The following RXRA variants were observed in gnomAD, a reference collection of about 807,000 sequenced individuals.
RXRA encodes the protein retinoid X receptor alpha.
In RXRA, 5 loss-of-function variants were observed where a neutral mutation model predicts 44.5. The observed-to-expected ratio is 0.11, with a 90% CI of 0.06 to 0.24. The LOEUF is 0.24. RXRA is among the 10% of genes least tolerant of loss of function. The pLI is 1.00. For missense variants in RXRA, 412 were observed against 646.5 expected, an observed-to-expected ratio of 0.64 and a Z score of 3.93; for synonymous variants, 291 against 271.4, an observed-to-expected ratio of 1.07 and a Z score of -0.71.
At chr9:134,359,040 G>A (rs1295543227) in intron 1 of RXRA, among the ~76,000 whole-genome samples, 1 of 152,194 alleles carries the variant, frequency 6.6e-6, no homozygotes, top group East Asian at 1.9e-4. Context: ...AGCTGCTGGG[G>A]GCTGCCGTGT....
chr9:134,332,515 T>G, intron 1 of RXRA, among the ~76,000 whole-genome samples: 1 of 144,014 alleles, frequency 6.9e-6, no homozygotes, highest in African/African-American at 2.7e-5. Flanking sequence ...TCCTGCTGCC[T>G]GTGGAGGAGG....
intron 4 of RXRA, among the ~76,000 whole-genome samples, chr9:134,411,780 G>A (rs1831152657): frequency 6.6e-6 from 1 of 152,220 alleles, no homozygotes; most frequent in African/African-American, 2.4e-5. Context: ...CGGTGAGGAG[G>A]CAGTGAGGCC....
intron 1 of RXRA, 51 bp from the exon 2 acceptor site, chr9:134,401,581 G>T: frequency 6.2e-7 from 1 of 1,608,766 alleles, no homozygotes; most frequent in Non-Finnish European, 8.5e-7. Flanking sequence ...CATTTGGTGG[G>T]GCCTGGAGTC....
At chr9:134,378,241 T>C (rs917760388) in intron 1 of RXRA, among the ~76,000 whole-genome samples, 3 of 151,794 alleles carry the variant, frequency 2.0e-5, no homozygotes, top group African/African-American at 7.2e-5. Context: ...GGCTGGATGC[T>C]GTCATCCTAG....
chr9:134,340,559 G>T (rs1353985189), intron 1 of RXRA, among the ~76,000 whole-genome samples: 8 of 152,170 alleles, frequency 5.3e-5, no homozygotes, highest in Admixed American at 4.6e-4. Flanking sequence ...CTACAGCGTG[G>T]CAGGTATCAC....
intron 1 of RXRA, chr9:134,379,540 G>A (rs578237994): frequency 2.0e-6 from 2 of 985,904 alleles, no homozygotes; most frequent in African/African-American, 3.5e-5. Context: ...CGTGGCCCAG[G>A]GTCTTGGTGG....
intron 1 of RXRA, among the ~76,000 whole-genome samples, chr9:134,329,359 C>G (rs1306087979): frequency 2.0e-5 from 3 of 152,240 alleles, no homozygotes; most frequent in African/African-American, 7.2e-5. Flanking sequence ...TTAGCGCGGG[C>G]GCTGCCCGAC....
intron 1 of RXRA, chr9:134,380,081 C>T (rs1326800250): frequency 1.0e-6 from 1 of 985,484 alleles, no homozygotes; most frequent in Non-Finnish European, 1.2e-6. Context: ...TGCAGCCCCT[C>T]TGTTGTCGTG....
At chr9:134,402,061 G>C (rs1007904066) in intron 2 of RXRA, 179 bp downstream of exon 2, 2 of 604,354 alleles carry the variant, frequency 3.3e-6, no homozygotes, top group Non-Finnish European at 5.7e-6. Context: ...GAGCCCAGGT[G>C]GGGCTGACTG....
chr9:134,379,218 G>A, intron 1 of RXRA: 1 of 965,732 alleles, frequency 1.0e-6, no homozygotes, highest in Non-Finnish European at 1.2e-6. Context: ...TGCTTAACTG[G>A]GCCTTTCCTG....
chr9:134,412,383 A>G (rs750603153), intron 4 of RXRA, among the ~76,000 whole-genome samples: 11 of 152,186 alleles, frequency 7.2e-5, no homozygotes, highest in Non-Finnish European at 1.3e-4. Context: ...ATCCCAGTGC[A>G]GTGCTGCGAG....
rs1831687959 is a variant in RXRA, at chr9:134,439,296, G to C, written c.*2682G>C. 6.6e-6 allele frequency: 1 copy of C among 152,200 alleles called. No homozygotes were observed. The allele number at this position is 152,200 out of a possible 1,614,324, so 9.4% of individuals were successfully genotyped here. On this transcript the variant is annotated 3_prime_UTR_variant, in exon 10 of 10. Transcript: ENST00000481739. The stretch of plus-strand genomic sequence containing the variant: ...AGTGGCTGCTTCCTGGGGACCCAGG[G>C]CACCCCGGCACCTTCAGGCACGCTC...
rs1588252952 is a variant in RXRA at position 134,342,947 on chromosome 9, T to C, written c.28+16288T>C. On this transcript the variant is annotated intron_variant, in intron 1 of 9. Coordinates refer to ENST00000481739, the MANE Select transcript of RXRA (RefSeq NM_002957.6). The surrounding 1 kb of genome is among the most constrained non-coding windows in gnomAD (Gnocchi z 4.4). ...CGTGTGGGTGCTGGGGATTGTCTGG[T>C]AATCCTTTGATTAGAGGCCAGGAAA... 6.6e-6 allele frequency among the ~76,000 whole-genome samples: 1 copy of C among 152,142 alleles called. No homozygotes were observed.
chr9:134,344,614 C>T (rs1339897923), intron 1 of RXRA, among the ~76,000 whole-genome samples: 2 of 152,150 alleles, frequency 1.3e-5, no homozygotes, highest in African/African-American at 2.4e-5. Flanking sequence ...CTCCCCACCT[C>T]CCGGGCCTCT....
At chr9:134,424,836 C>A in intron 6 of RXRA, 6 of 985,422 alleles carry the variant, frequency 6.1e-6, no homozygotes, top group Non-Finnish European at 7.2e-6. Context: ...TGACTGGGGA[C>A]CAGGGGTGAT....
intron 2 of RXRA, among the ~76,000 whole-genome samples, chr9:134,406,681 G>A (rs1251897918): frequency 6.6e-6 from 1 of 152,178 alleles, no homozygotes; most frequent in Non-Finnish European, 1.5e-5. Flanking sequence ...TAGTTTGGAC[G>A]AGCTCTGTCC....
At position 134,326,456 on chromosome 9, in the gene RXRA, G is replaced by GTT. The variant is rs1451357101; in HGVS notation, c.-174_-173dup. ...CGGCGGCGGCGCGCAGACACAAGTA[G>GTT]TTTACATTGTTGGGCGACTTTTGCA... is the stretch of plus-strand genomic sequence containing the variant. On this transcript the variant is annotated 5_prime_UTR_variant, in exon 1 of 10. Coordinates refer to ENST00000481739, the MANE Select transcript of RXRA (RefSeq NM_002957.6). The GTT allele has an allele frequency of 7.1e-6, 1 of 140,830 alleles. No individual in the cohort carries two copies. The highest frequency in any genetic ancestry group is 7.0e-5 in the Admixed American group (1 of 14,312). The allele number at this position is 140,830 out of a possible 1,614,324, so 8.7% of individuals were successfully genotyped here.
At chr9:134,402,211 C>G (rs551077528) in intron 2 of RXRA, 50 of 373,412 alleles carry the variant, frequency 1.3e-4, no homozygotes, top group African/African-American at 9.6e-4. Flanking sequence ...TGTGGCCTCC[C>G]TCAGGCCTAA....
intron 1 of RXRA, among the ~76,000 whole-genome samples, chr9:134,388,970 A>G (rs185803077): frequency 4.3e-4 from 66 of 152,240 alleles, no homozygotes; most frequent in African/African-American, 1.6e-3. Context: ...TTCGTGCTGG[A>G]TGCCCCAGAG....
Sources: gnomAD v4.1 joint callset for allele counts (sites outside exome capture counted in the v4.1 genomes callset) on GRCh38, gnomAD v4.1.1 for gene constraint, Gnocchi (gnomAD v3.1) non-coding constraint, MANE v1.5 for transcripts, NCBI Gene and HGNC (gene_info 2026-07-23, HGNC 2026-07-21) for gene names.